The following ZNF33A variants were observed in gnomAD, a reference collection of about 807,000 sequenced individuals.
ZNF33A encodes zinc finger protein 33A.
Under a neutral mutation model 15.9 loss-of-function variants are expected in ZNF33A, and 9 were observed. That is an observed-to-expected ratio of 0.57 (90% CI 0.34 to 0.99). ZNF33A has a LOEUF of 0.99. Among genes scored for constraint, ZNF33A ranks in the 50% least tolerant of loss-of-function variants. The probability of loss-of-function intolerance (pLI) is 0.02; values close to 1 mark genes in which losing one functional copy is unlikely to be tolerated. For synonymous variants in ZNF33A, 294 were observed against 324.2 expected (o/e 0.91, Z 1.00); for missense variants, 843 against 941.6 (o/e 0.90, Z 1.37).
chr10:38,023,105 T>C (rs2064827973), intron 4 of ZNF33A, among the ~76,000 whole-genome samples: 1 of 151,920 alleles, frequency 6.6e-6, no homozygotes, highest in East Asian at 1.9e-4. Context: ...GCCACCACAC[T>C]CGGCTAATTT....
chr10:38,055,199 T>G lies in ZNF33A; in HGVS notation c.1075T>G (p.Cys359Gly). The G allele has an allele frequency of 1.2e-6, 2 of 1,614,130 alleles. No individual in the cohort carries two copies. Among genetic ancestry groups the G allele is most frequent in the South Asian group, 1.1e-5 (1 of 91,080 alleles). ...GCACACAGGACAGAAACCCTTTCAATGTAATGAATGTGAAAAAGCTTTCTG... is the reference window on the plus strand; with the variant it reads ...GCACACAGGACAGAAACCCTTTCAAGGTAATGAATGTGAAAAAGCTTTCTG... ...RVHTGQKPFQ[C>G]NECEKAFWDK... The change falls in exon 5 of 5, where the codon TGT becomes GGT. Residue 359 changes from cysteine to glycine, a missense_variant. By Grantham distance (159) the Cys-to-Gly change is radical. Coordinates refer to ENST00000432900, the MANE Select transcript of ZNF33A (RefSeq NM_006954.2).
At chr10:38,035,517 C>T (rs1267613095) in intron 4 of ZNF33A, among the ~76,000 whole-genome samples, 1 of 152,114 alleles carries the variant, frequency 6.6e-6, no homozygotes, top group Non-Finnish European at 1.5e-5. Flanking sequence ...ATAATTTTAT[C>T]AACTAAAATA....
chr10:38,012,982 C>G (rs976660527), intron 2 of ZNF33A, among the ~76,000 whole-genome samples: 19 of 152,166 alleles, frequency 1.2e-4, no homozygotes, highest in African/African-American at 3.6e-4. Flanking sequence ...AGTGAATAAG[C>G]TTCCAGTGAT....
At chr10:38,018,534 T>G (rs1047725972) in intron 4 of ZNF33A, among the ~76,000 whole-genome samples, 2 of 152,138 alleles carry the variant, frequency 1.3e-5, no homozygotes. Context: ...AGTGGTAGAT[T>G]TTCAGCAGAT....
rs1482093115 is a variant in ZNF33A at position 38,010,787 on chromosome 10, A to C, written c.-45+4A>C. On this transcript the variant is annotated splice_donor_region_variant and intron_variant, in intron 1 of 4. Coordinates refer to ENST00000432900, the MANE Select transcript of ZNF33A (RefSeq NM_006954.2). Reference sequence around the variant, plus strand: ...TGCAACCCGACGAGGGAGTGGGGTAAGCCCCAGTGGGTTGGGCAGGGAGAG... The same window carrying C: ...TGCAACCCGACGAGGGAGTGGGGTACGCCCCAGTGGGTTGGGCAGGGAGAG... 7 of 1,598,374 alleles carry C rather than the reference A, an allele frequency of 4.4e-6. No individual in the cohort carries two copies. The highest frequency in any genetic ancestry group is 5.9e-6 in the Non-Finnish European group (7 of 1,179,794).
chr10:38,017,559 CA>C (rs1307041070), intron 4 of ZNF33A, 173 bp downstream of exon 4: 2 of 472,898 alleles, frequency 4.2e-6, no homozygotes, highest in Non-Finnish European at 7.6e-6. Context: ...ATACTACTCA[CA>C]AAAAATTCCT....
intron 4 of ZNF33A, chr10:38,043,838 G>T (rs1045363828): frequency 6.6e-6 from 1 of 151,008 alleles, no homozygotes; most frequent in Non-Finnish European, 1.5e-5. Context: ...TTCGTCAACA[G>T]ATGTGCAAGT....
downstream of ZNF33A, chr10:38,064,387 G>A (rs895660191): frequency 1.4e-5 from 6 of 414,770 alleles, no homozygotes; most frequent in Admixed American, 4.4e-5. Context: ...GAGGCTTCTC[G>A]TGTCCTTGGA....
chr10:38,064,322 G>A, downstream of ZNF33A: 3 of 532,048 alleles, frequency 5.6e-6, no homozygotes, highest in East Asian at 6.5e-5. Context: ...ACTTCAAAGA[G>A]TTGCACTGAG....
At chr10:38,033,755 C>A (rs2065319498) in intron 4 of ZNF33A, among the ~76,000 whole-genome samples, 1 of 151,198 alleles carries the variant, frequency 6.6e-6, no homozygotes. Context: ...CTCTGTTTGC[C>A]CAGGCTGGAG....
chr10:38,013,334 A>C (rs2064287584), intron 2 of ZNF33A, among the ~76,000 whole-genome samples: 1 of 150,254 alleles, frequency 6.7e-6, no homozygotes, highest in Admixed American at 6.6e-5. Context: ...TGGTCTTGAT[A>C]TCTTGACCTC....
intron 4 of ZNF33A, among the ~76,000 whole-genome samples, chr10:38,023,007 G>A (rs1325454190): frequency 6.6e-6 from 1 of 152,144 alleles, no homozygotes; most frequent in Non-Finnish European, 1.5e-5. Context: ...GTGCAGTGGT[G>A]TAATCTCGGC....
intron 1 of ZNF33A, among the ~76,000 whole-genome samples, chr10:38,011,661 T>C (rs1276505169): frequency 1.3e-5 from 2 of 152,194 alleles, no homozygotes; most frequent in African/African-American, 4.8e-5. Flanking sequence ...TTTGTTAAGG[T>C]CACTGACTTG....
At chr10:38,042,192 T>G (rs2065733845) in intron 4 of ZNF33A, among the ~76,000 whole-genome samples, 1 of 152,032 alleles carries the variant, frequency 6.6e-6, no homozygotes, top group African/African-American at 2.4e-5. Context: ...CCTCTGTCTT[T>G]TTTTTTTTTC....
chr10:38,017,943 A>G (rs952753257), intron 4 of ZNF33A, among the ~76,000 whole-genome samples: 8 of 152,012 alleles, frequency 5.3e-5, no homozygotes, highest in African/African-American at 1.9e-4. Flanking sequence ...AAAAATACTA[A>G]ATTAGCTGGG....
downstream of ZNF33A, among the ~76,000 whole-genome samples, chr10:38,062,886 C>T (rs954020251): frequency 1.3e-5 from 2 of 151,136 alleles, no homozygotes; most frequent in African/African-American, 2.4e-5. Flanking sequence ...GCCTGTAGTC[C>T]CAGCTACTTG....
intron 4 of ZNF33A, among the ~76,000 whole-genome samples, chr10:38,019,647 A>G (rs771214631): frequency 3.3e-5 from 5 of 152,208 alleles, no homozygotes; most frequent in Non-Finnish European, 5.9e-5. Context: ...AACTATCTTC[A>G]TGAATAAAGG....
At chr10:38,018,253 G>A (rs1179998682) in intron 4 of ZNF33A, among the ~76,000 whole-genome samples, 1 of 152,138 alleles carries the variant, frequency 6.6e-6, no homozygotes, top group Non-Finnish European at 1.5e-5. Context: ...GAACAGTCAG[G>A]GGAAACCTTA....
intron 4 of ZNF33A, among the ~76,000 whole-genome samples, chr10:38,024,166 A>AAAC (rs1275737056): frequency 5.1e-5 from 7 of 136,260 alleles, no homozygotes; most frequent in African/African-American, 1.5e-4. Context: ...AACAAAACAA[A>AAAC]AAAAAAAAAA....
Sources: gnomAD v4.1 joint callset for allele counts (sites outside exome capture counted in the v4.1 genomes callset) on GRCh38, gnomAD v4.1.1 for gene constraint, MANE v1.5 for transcripts, NCBI Gene and HGNC (gene_info 2026-07-23, HGNC 2026-07-21) for gene names.